The following GRIA4 variants were observed in gnomAD, a reference collection of about 807,000 sequenced individuals.
GRIA4 encodes the protein glutamate ionotropic receptor AMPA type subunit 4.
GRIA4 carries 34 observed loss-of-function variants against 104.0 expected under a neutral mutation model. That is an observed-to-expected ratio of 0.33 (90% CI 0.25 to 0.44). The LOEUF (loss-of-function observed/expected upper bound fraction) is 0.44, where lower values mean the gene tolerates loss of function less well. Among genes scored for constraint, GRIA4 ranks in the 20% least tolerant of loss-of-function variants. The pLI is 1.00. For synonymous variants in GRIA4, 386 were observed against 381.9 expected (o/e 1.01, Z -0.13); for missense variants, 750 against 1,096.5 (o/e 0.68, Z 4.46).
chr11:105,846,312 C>T (rs4754136), intron 4 of GRIA4, among the ~76,000 whole-genome samples: 14,243 of 151,956 alleles, frequency 0.094, 792 homozygotes, highest in Admixed American at 0.19. Flanking sequence ...TTTGACAACA[C>T]CTGTAGTTAA....
At chr11:105,829,516 G>T (rs1345765239) in intron 4 of GRIA4, among the ~76,000 whole-genome samples, 1 of 151,930 alleles carries the variant, frequency 6.6e-6, no homozygotes, top group Non-Finnish European at 1.5e-5. Flanking sequence ...CATCGCAATT[G>T]TGTTTGTGAA....
At chr11:105,685,058 G>A (rs893077236) in intron 3 of GRIA4, among the ~76,000 whole-genome samples, 2 of 151,318 alleles carry the variant, frequency 1.3e-5, no homozygotes, top group African/African-American at 4.9e-5. Context: ...CCTGAGTAGT[G>A]GTATTCATGA....
rs936855177 is a variant in GRIA4, at chr11:105,981,019, C to T, written c.*1280C>T. ...AATTATGTGTCTCTTGGGCTTCTTC[C>T]CTTATTCCTATTGTTCCCTTTAAAT... On this transcript the variant is annotated 3_prime_UTR_variant, in exon 17 of 17. Coordinates refer to ENST00000282499, the MANE Select transcript of GRIA4 (RefSeq NM_000829.4). 1.4e-4 allele frequency: 22 copies of T among 152,552 alleles called. No individual in the cohort carries two copies. The highest frequency in any genetic ancestry group is 5.3e-4 in the African/African-American group (22 of 41,422). The allele number at this position is 152,552 out of a possible 1,614,324, so 9.4% of individuals were successfully genotyped here. A position where few individuals can be genotyped will look rare whatever the true frequency, so the allele number is the denominator to read the frequency against.
intron 3 of GRIA4, among the ~76,000 whole-genome samples, chr11:105,696,190 T>G (rs1158926542): frequency 3.3e-5 from 5 of 152,276 alleles, no homozygotes; most frequent in South Asian, 4.1e-4. Context: ...TAGAAGTTAC[T>G]TCCTCTTTCA....
chr11:105,727,112 C>A (rs1239517941), intron 3 of GRIA4, among the ~76,000 whole-genome samples: 1 of 151,562 alleles, frequency 6.6e-6, no homozygotes, highest in African/African-American at 2.4e-5. Context: ...ATGTTATAAC[C>A]CAATGGAAGG....
At position 105,981,161 on chromosome 11, in the gene GRIA4, T is replaced by A. The variant is rs941703275; in HGVS notation, c.*1422T>A. The A allele has an allele frequency of 1.3e-5, 2 of 152,654 alleles. No homozygotes were observed. Among genetic ancestry groups the A allele is most frequent in the African/African-American group, 2.4e-5 (1 of 41,450 alleles). 9.5% of individuals were successfully genotyped at this position (152,654 alleles called of 1,614,324 possible). A position where few individuals can be genotyped will look rare whatever the true frequency, so the allele number is the denominator to read the frequency against. ...ATGTTTATTTATAAAAATCACCTTA[T>A]GTATGAATTAAACTAACATGGTTCA... On this transcript the variant is annotated 3_prime_UTR_variant, in exon 17 of 17. Coordinates refer to ENST00000282499, the MANE Select transcript of GRIA4 (RefSeq NM_000829.4).
At chr11:105,777,803 C>A (rs1309489269) in intron 4 of GRIA4, among the ~76,000 whole-genome samples, 2 of 152,070 alleles carry the variant, frequency 1.3e-5, no homozygotes, top group African/African-American at 4.8e-5. Context: ...AAAAAAATCA[C>A]TTTTTATAAT....
At chr11:105,806,490 A>G (rs1407731684) in intron 4 of GRIA4, among the ~76,000 whole-genome samples, 1 of 151,892 alleles carries the variant, frequency 6.6e-6, no homozygotes, top group Non-Finnish European at 1.5e-5. Flanking sequence ...CAAACTCCCC[A>G]TTTCTTTCCT....
chr11:105,832,650 T>C (rs1944018479), intron 4 of GRIA4, among the ~76,000 whole-genome samples: 1 of 151,948 alleles, frequency 6.6e-6, no homozygotes, highest in Non-Finnish European at 1.5e-5. Flanking sequence ...TCAACTATAT[T>C]AAAGATCAAG....
intron 3 of GRIA4, among the ~76,000 whole-genome samples, chr11:105,736,558 G>A (rs898767694): frequency 6.6e-6 from 1 of 151,034 alleles, no homozygotes; most frequent in African/African-American, 2.5e-5. Context: ...TAGTATACAT[G>A]TTTGTTCATC....
Position 105,982,044 on chromosome 11 carries a change from C to G in GRIA4, c.*2305C>G, listed in dbSNP as rs1489902438. 2.6e-5 allele frequency: 4 copies of G among 152,610 alleles called. No homozygotes were observed. Among genetic ancestry groups the G allele is most frequent in the African/African-American group, 9.7e-5 (4 of 41,438 alleles). The allele number at this position is 152,610 out of a possible 1,614,324, so 9.5% of individuals were successfully genotyped here. ...ACAGTTGTATCCCCAGCACCCAGCACAGTGCCTGGCATATTGTAGGTGCTT... is the reference window on the plus strand; with the variant it reads ...ACAGTTGTATCCCCAGCACCCAGCAGAGTGCCTGGCATATTGTAGGTGCTT... On this transcript the variant is annotated 3_prime_UTR_variant, in exon 17 of 17. Transcript: ENST00000282499.
intron 10 of GRIA4, among the ~76,000 whole-genome samples, chr11:105,915,671 T>C (rs905038998): frequency 2.6e-5 from 4 of 152,196 alleles, no homozygotes; most frequent in Non-Finnish European, 5.9e-5. Context: ...TAGAAGATCA[T>C]ATGAAGAATT....
chr11:105,711,497 C>G (rs979732594), intron 3 of GRIA4, among the ~76,000 whole-genome samples: 1 of 152,002 alleles, frequency 6.6e-6, no homozygotes, highest in Non-Finnish European at 1.5e-5. Context: ...TGAGTTTGTT[C>G]AAATGTTTGC....
chr11:105,927,969 G>C (rs986343032), intron 13 of GRIA4, among the ~76,000 whole-genome samples: 1 of 151,896 alleles, frequency 6.6e-6, no homozygotes, highest in Non-Finnish European at 1.5e-5. Flanking sequence ...AGTAGTAATA[G>C]CTCTTTGTTC....
chr11:105,940,977 A>G (rs777538343), intron 14 of GRIA4, among the ~76,000 whole-genome samples: 13 of 152,176 alleles, frequency 8.5e-5, no homozygotes, highest in Non-Finnish European at 1.3e-4. Context: ...AAAATAATCA[A>G]TCACTTAACT....
At chr11:105,899,316 T>C (rs1033971973) in intron 7 of GRIA4, among the ~76,000 whole-genome samples, 4 of 152,240 alleles carry the variant, frequency 2.6e-5, no homozygotes, top group African/African-American at 9.6e-5. Context: ...ATTAAATGGA[T>C]GTCCACTATG....
intron 3 of GRIA4, among the ~76,000 whole-genome samples, chr11:105,730,664 A>C (rs1479773819): frequency 6.6e-6 from 1 of 152,082 alleles, no homozygotes; most frequent in Non-Finnish European, 1.5e-5. Flanking sequence ...AGCATGGTAC[A>C]GGTACCAAAA....
intron 4 of GRIA4, among the ~76,000 whole-genome samples, chr11:105,841,877 T>G (rs1944406259): frequency 6.6e-6 from 1 of 152,252 alleles, no homozygotes; most frequent in Non-Finnish European, 1.5e-5. Context: ...CTTACTTCTG[T>G]GCTGTGAATG....
chr11:105,915,623 G>A (rs1947376054), intron 10 of GRIA4, among the ~76,000 whole-genome samples: 1 of 151,930 alleles, frequency 6.6e-6, no homozygotes, highest in African/African-American at 2.4e-5. Context: ...CAGACACTAT[G>A]AGAATACATT....
Sources: allele counts gnomAD v4.1 joint callset (sites outside exome capture counted in the v4.1 genomes callset), GRCh38; gene constraint gnomAD v4.1.1; transcripts MANE v1.5; gene names NCBI Gene and HGNC (gene_info 2026-07-23, HGNC 2026-07-21).